The following CLMN variants were observed in gnomAD, a reference collection of about 807,000 sequenced individuals.
CLMN encodes the protein calmin.
In CLMN, 57 loss-of-function variants were observed where a neutral mutation model predicts 92.7. The observed-to-expected ratio is 0.61, with a 90% CI of 0.50 to 0.77. CLMN has a LOEUF of 0.77. Ranked by LOEUF, CLMN falls within the 30% of genes least tolerant of loss-of-function variation. The pLI is 0.00. For missense variants in CLMN, 1,158 were observed against 1,237.5 expected (o/e 0.94, Z 0.96); for synonymous variants, 466 against 470.6 (o/e 0.99, Z 0.13).
chr14:95,203,806 T>C lies in CLMN; in HGVS notation c.1543A>G (p.Thr515Ala), dbSNP rs763885773. The part of the protein sequence containing the change: ...SSSCNGALES[T>A]ARHDEESHSL... ...TGACTTTCTTCATCGTGGCGGGCTG[T>C]ACTCTCTAAAGCACCATTACAGGAA... Residue 515 changes from threonine (T) to alanine (A), a missense_variant, in exon 9 of 13, where the codon ACA (threonine) becomes GCA (alanine). Thr to Ala is a moderately conservative substitution (Grantham distance 58). Coordinates refer to ENST00000298912, the MANE Select transcript of CLMN (RefSeq NM_024734.4). 6.2e-7 allele frequency: 1 copy of C among 1,614,202 alleles called. No homozygotes were observed. Among genetic ancestry groups the C allele is most frequent in the Non-Finnish European group, 8.5e-7 (1 of 1,180,036 alleles).
At chr14:95,193,775 C>A (rs1896619518) in intron 12 of CLMN, 74 bp downstream of exon 12, 2 of 1,567,072 alleles carry the variant, frequency 1.3e-6, no homozygotes, top group African/African-American at 1.4e-5. Context: ...GAATAACCAC[C>A]CCTGTAAGGC....
chr14:95,257,038 G>A (rs1416032529), intron 1 of CLMN, among the ~76,000 whole-genome samples: 3 of 152,212 alleles, frequency 2.0e-5, no homozygotes, highest in African/African-American at 2.4e-5. Flanking sequence ...AGGGAGAGGC[G>A]CTTTGATGAG....
chr14:95,205,657 G>A (rs188287165), intron 8 of CLMN, among the ~76,000 whole-genome samples: 40 of 152,024 alleles, frequency 2.6e-4, no homozygotes, highest in African/African-American at 9.2e-4. Flanking sequence ...CAAAAGTAAT[G>A]GAGATGAAGT....
At chr14:95,266,833 TA>T (rs548217723) in intron 1 of CLMN, among the ~76,000 whole-genome samples, 1 of 151,966 alleles carries the variant, frequency 6.6e-6, no homozygotes, top group Admixed American at 6.6e-5. Context: ...GTAACTGGCA[TA>T]AAAAAAGACA....
At chr14:95,232,856 G>A (rs1897933328) in intron 1 of CLMN, among the ~76,000 whole-genome samples, 1 of 152,196 alleles carries the variant, frequency 6.6e-6, no homozygotes, top group Non-Finnish European at 1.5e-5. Flanking sequence ...TTCCCCCTGT[G>A]GATGGACATC....
rs761118107 is a variant in CLMN, at chr14:95,223,716, C to A, written c.240+44G>T. The A allele has an allele frequency of 2.7e-6, 4 of 1,457,502 alleles. No homozygotes were observed. The East Asian group carries it at 9.1e-5, about 33-fold the overall frequency. 90.3% of individuals were successfully genotyped at this position (1,457,502 alleles called of 1,614,324 possible). A position where few individuals can be genotyped will look rare whatever the true frequency, so the allele number is the denominator to read the frequency against. ...GAAAAGAAAACCTCAGCAGCGTTTT[C>A]CTTTGCATTTTCTTTCTTTCTGACC... is the stretch of plus-strand genomic sequence containing the variant. On this transcript the variant is annotated intron_variant, in intron 3 of 12. Coordinates refer to ENST00000298912, the MANE Select transcript of CLMN (RefSeq NM_024734.4).
chr14:95,235,663 C>G (rs978897711), intron 1 of CLMN, among the ~76,000 whole-genome samples: 3 of 152,204 alleles, frequency 2.0e-5, no homozygotes, highest in Non-Finnish European at 2.9e-5. Flanking sequence ...TGAATTCATA[C>G]AGTTGGACAG....
intron 1 of CLMN, among the ~76,000 whole-genome samples, chr14:95,242,027 G>A (rs1327763567): frequency 6.6e-6 from 1 of 152,022 alleles, no homozygotes; most frequent in African/African-American, 2.4e-5. Flanking sequence ...GTCGAAGTTG[G>A]ATCATTGTTC....
At chr14:95,296,695 C>T (rs1279572741) in intron 1 of CLMN, among the ~76,000 whole-genome samples, 2 of 152,182 alleles carry the variant, frequency 1.3e-5, no homozygotes, top group African/African-American at 4.8e-5. Context: ...GGAGCTCTAG[C>T]AGCCATCTTG....
At chr14:95,306,615 T>A (rs1277448106) in intron 1 of CLMN, among the ~76,000 whole-genome samples, 1 of 150,430 alleles carries the variant, frequency 6.6e-6, no homozygotes, top group African/African-American at 2.4e-5. Flanking sequence ...AGTAAGAGAG[T>A]TTCAGATGAA....
rs781651208 is a variant in CLMN at position 95,209,482 on chromosome 14, C to T, written c.803-5G>A. On this transcript the variant is annotated splice_region_variant and splice_polypyrimidine_tract_variant and intron_variant, in intron 7 of 12. Transcript: ENST00000298912. ...CTGGTGTGTCAACCATGATGTCTGT[C>T]GAGAGAGACACAGGAATTAGCAGGA... 9 of 1,611,870 alleles carry T rather than the reference C, an allele frequency of 5.6e-6. No individual in the cohort carries two copies. The highest frequency in any genetic ancestry group is 1.6e-4 in the Middle Eastern group (1 of 6,074).
At chr14:95,266,886 A>G (rs1165655269) in intron 1 of CLMN, among the ~76,000 whole-genome samples, 1 of 152,198 alleles carries the variant, frequency 6.6e-6, no homozygotes, top group African/African-American at 2.4e-5. Flanking sequence ...GAAATAAATC[A>G]TGAATTTACA....
chr14:95,257,809 C>T (rs1263014503), intron 1 of CLMN, among the ~76,000 whole-genome samples: 1 of 152,248 alleles, frequency 6.6e-6, no homozygotes, highest in Non-Finnish European at 1.5e-5. Context: ...AGGACCTATG[C>T]TGAGCCTCTT....
intron 4 of CLMN, among the ~76,000 whole-genome samples, chr14:95,221,261 A>G (rs1897530652): frequency 6.6e-6 from 1 of 152,106 alleles, no homozygotes; most frequent in African/African-American, 2.4e-5. Context: ...GAATGGGAGA[A>G]TTTTGTAACT....
chr14:95,215,521 A>G (rs1263827462), intron 5 of CLMN, 120 bp downstream of exon 5: 2 of 781,622 alleles, frequency 2.6e-6, no homozygotes, highest in Admixed American at 4.6e-5. Flanking sequence ...TGAGTAGAAA[A>G]GATAAAATCT....
chr14:95,315,891 G>A (rs1566928949), intron 1 of CLMN, among the ~76,000 whole-genome samples: 2 of 152,222 alleles, frequency 1.3e-5, no homozygotes, highest in Non-Finnish European at 1.5e-5. Flanking sequence ...AAGATGCTAC[G>A]TGCTCGACAC....
intron 1 of CLMN, among the ~76,000 whole-genome samples, chr14:95,252,384 G>T (rs1277464639): frequency 1.3e-5 from 2 of 152,154 alleles, no homozygotes; most frequent in African/African-American, 4.8e-5. Flanking sequence ...TTTACAAAGT[G>T]CTTGGAATCT....
At chr14:95,255,682 A>G (rs187392321) in intron 1 of CLMN, among the ~76,000 whole-genome samples, 51 of 152,084 alleles carry the variant, frequency 3.4e-4, no homozygotes, top group African/African-American at 1.1e-3. Context: ...CCCTTTCACA[A>G]TTCACAAGCC....
chr14:95,213,496 G>T, intron 5 of CLMN, 87 bp from the exon 6 acceptor site: 1 of 1,261,870 alleles, frequency 7.9e-7, no homozygotes, highest in Non-Finnish European at 1.1e-6. Flanking sequence ...TATGGACCAT[G>T]GCTGGAGGGA....
Sources: allele counts gnomAD v4.1 joint callset (sites outside exome capture counted in the v4.1 genomes callset), GRCh38; gene constraint gnomAD v4.1.1; transcripts MANE v1.5; gene names NCBI Gene and HGNC (gene_info 2026-07-23, HGNC 2026-07-21).